Variants in ANK2 observed in about 807,000 individuals in gnomAD.
The protein encoded by ANK2 is ankyrin 2, also known as ankyrin-2.
A neutral mutation model predicts 360.5 loss-of-function variants in ANK2; 83 were observed. The observed-to-expected ratio is 0.23, with a 90% confidence interval of 0.19 to 0.28. ANK2 has a LOEUF of 0.28. Among genes scored for constraint, ANK2 ranks in the 10% least tolerant of loss-of-function variants. The pLI is 1.00. For missense variants in ANK2, 4,201 were observed against 4,795.7 expected, an observed-to-expected ratio of 0.88 and a Z score of 3.66; for synonymous variants, 1,740 against 1,759.5, an observed-to-expected ratio of 0.99 and a Z score of 0.28.
chr4:113,043,016 T>C (rs1366778546), intron 2 of ANK2, among the ~76,000 whole-genome samples: 4 of 152,132 alleles, frequency 2.6e-5, no homozygotes, highest in Non-Finnish European at 4.4e-5. Flanking sequence ...ATTATCTAGT[T>C]CATGCCAAAG....
intron 1 of ANK2, among the ~76,000 whole-genome samples, chr4:113,162,256 C>A (rs2097563924): frequency 6.6e-6 from 1 of 151,752 alleles, no homozygotes; most frequent in South Asian, 2.1e-4. Flanking sequence ...TTTCACATGT[C>A]CCTGATGACA....
chr4:113,160,169 TAGAA>T (rs1158452191), intron 1 of ANK2, among the ~76,000 whole-genome samples: 2 of 152,138 alleles, frequency 1.3e-5, no homozygotes, highest in Non-Finnish European at 2.9e-5. Flanking sequence ...CATTAACCCT[TAGAA>T]AGAGTTCAGC....
At chr4:112,883,970 C>T (rs112802461) in intron 1 of ANK2, among the ~76,000 whole-genome samples, 8,437 of 149,170 alleles carry the variant, frequency 0.057, 748 homozygotes, top group African/African-American at 0.19. Context: ...TGAGCTTATA[C>T]TATGAATATT....
intron 1 of ANK2, chr4:113,117,347 G>GA (rs1242786445): frequency 8.8e-6 from 4 of 455,924 alleles, no homozygotes; most frequent in Non-Finnish European, 1.8e-5. Context: ...GGATGAAAAG[G>GA]AAAAAAATCT....
intron 2 of ANK2, among the ~76,000 whole-genome samples, chr4:113,004,753 G>GC (rs2052158432): frequency 6.6e-6 from 1 of 152,020 alleles, no homozygotes; most frequent in Non-Finnish European, 1.5e-5. Context: ...CATACAACTG[G>GC]CAGTGCAGGT....
chr4:112,881,162 G>A (rs1311077869), intron 1 of ANK2, among the ~76,000 whole-genome samples: 1 of 152,198 alleles, frequency 6.6e-6, no homozygotes, highest in Non-Finnish European at 1.5e-5. Context: ...AGTGGGCTGG[G>A]TGTGGTGGCT....
At chr4:113,035,297 G>C (rs2061354451) in intron 2 of ANK2, among the ~76,000 whole-genome samples, 1 of 151,762 alleles carries the variant, frequency 6.6e-6, no homozygotes, top group South Asian at 2.1e-4. Flanking sequence ...ATATAGACAA[G>C]AAGTGGCATA....
chr4:112,851,942 T>C lies in ANK2; in HGVS notation c.-40+33678T>C, dbSNP rs567539062. Among the ~76,000 whole-genome samples the C allele has an allele frequency of 2.6e-5, 4 of 152,328 alleles. No homozygotes were observed. The South Asian group carries it at 8.3e-4, about 32-fold the overall frequency. On this transcript the variant is annotated intron_variant, in intron 1 of 30. Transcript: ENST00000503271. ...TGGCCACAATTACTTTTCTTTAAAA[T>C]ACTTCTTTTACTTGTCCCTTCTTCA...
At chr4:112,724,569 A>ACACACG in the ANK2 span, among the ~76,000 whole-genome samples, 2 of 151,432 alleles carry the variant, frequency 1.3e-5, no homozygotes, top group African/African-American at 4.9e-5. Context: ...ACACACACAC[A>ACACACG]CACACACACA....
At chr4:112,852,556 G>A (rs1031474464) in intron 1 of ANK2, among the ~76,000 whole-genome samples, 32 of 152,138 alleles carry the variant, frequency 2.1e-4, no homozygotes, top group African/African-American at 7.2e-4. Context: ...GAGAATCTTA[G>A]GATAGTATGA....
the ANK2 span, among the ~76,000 whole-genome samples, chr4:112,743,526 C>G: frequency 1.1e-4 from 16 of 140,588 alleles, no homozygotes; most frequent in African/African-American, 2.9e-4. Context: ...TCCTTTCTTT[C>G]TTTCTGTCTC....
At chr4:112,932,103 C>T (rs2154238056) in intron 2 of ANK2, among the ~76,000 whole-genome samples, 1 of 152,268 alleles carries the variant, frequency 6.6e-6, no homozygotes, top group South Asian at 2.1e-4. Flanking sequence ...ATAAAAATGA[C>T]ATATTTGCTT....
intron 2 of ANK2, chr4:112,904,550 T>A: frequency 7.1e-7 from 1 of 1,418,316 alleles, no homozygotes; most frequent in Non-Finnish European, 9.5e-7. Context: ...TTTAAAGGAA[T>A]CTTATAAAAA....
intron 1 of ANK2, among the ~76,000 whole-genome samples, chr4:112,830,415 G>T: frequency 6.6e-6 from 1 of 152,284 alleles, no homozygotes; most frequent in South Asian, 2.1e-4. Context: ...CAAAATACCA[G>T]ATGTTCTCAT....
At chr4:113,012,964 G>A (rs1261256516) in intron 2 of ANK2, among the ~76,000 whole-genome samples, 1 of 152,106 alleles carries the variant, frequency 6.6e-6, no homozygotes, top group Non-Finnish European at 1.5e-5. Flanking sequence ...TAAGTGAAGG[G>A]GCTTTGTGGG....
At chr4:113,360,458 A>G (rs1343054662) in intron 38 of ANK2, among the ~76,000 whole-genome samples, 1 of 151,838 alleles carries the variant, frequency 6.6e-6, no homozygotes, top group Non-Finnish European at 1.5e-5. Context: ...CAATTGCTCT[A>G]CTTCTGCATC....
chr4:113,101,742 A>G (rs561634707), intron 1 of ANK2, among the ~76,000 whole-genome samples: 1 of 152,298 alleles, frequency 6.6e-6, no homozygotes, highest in East Asian at 1.9e-4. Context: ...GAAAGAGGAC[A>G]CAGGTTTGTA....
At chr4:113,168,220 G>C (rs2097821698) in intron 1 of ANK2, among the ~76,000 whole-genome samples, 1 of 152,120 alleles carries the variant, frequency 6.6e-6, no homozygotes, top group African/African-American at 2.4e-5. Flanking sequence ...ATTTAAAAAG[G>C]AAATTTCAAA....
At chr4:113,072,533 A>C (rs1419412005) in intron 1 of ANK2, among the ~76,000 whole-genome samples, 1 of 152,220 alleles carries the variant, frequency 6.6e-6, no homozygotes, top group Admixed American at 6.5e-5. Context: ...AGATATTCTC[A>C]AAGTTAGAAG....
Sources: gnomAD v4.1 joint callset for allele counts (sites outside exome capture counted in the v4.1 genomes callset) on GRCh38, gnomAD v4.1.1 for gene constraint, MANE v1.5 for transcripts, NCBI Gene and HGNC (gene_info 2026-07-23, HGNC 2026-07-21) for gene names.